The following PRKAR1A variants were observed in gnomAD, a reference collection of about 807,000 sequenced individuals.
PRKAR1A encodes cAMP-dependent protein kinase type I-alpha regulatory subunit.
A neutral mutation model predicts 52.0 loss-of-function variants in PRKAR1A; 3 were observed. That is an observed-to-expected ratio of 0.06 (90% confidence interval 0.03 to 0.15). The LOEUF (loss-of-function observed/expected upper bound fraction) is 0.15. PRKAR1A is among the 10% of genes least tolerant of loss of function. The probability of loss-of-function intolerance (pLI) is 1.00; values close to 1 mark genes in which losing one functional copy is unlikely to be tolerated. For synonymous variants in PRKAR1A, 188 were observed against 168.4 expected (o/e 1.12, Z -0.90); for missense variants, 240 against 477.4 (o/e 0.50, Z 4.63).
chr17:68,451,311 G>A, the PRKAR1A span, among the ~76,000 whole-genome samples: 2 of 152,184 alleles, frequency 1.3e-5, no homozygotes, highest in African/African-American at 4.8e-5. Context: ...GTGCACACCT[G>A]TAATCTCAGC....
At chr17:68,458,436 A>G in the PRKAR1A span, among the ~76,000 whole-genome samples, 526 of 152,354 alleles carry the variant, frequency 3.5e-3, 12 homozygotes, top group East Asian at 0.015. Flanking sequence ...TTTTCTAACC[A>G]GGACAGAAAT....
upstream of PRKAR1A, among the ~76,000 whole-genome samples, chr17:68,507,605 A>G (rs2085213984): frequency 6.6e-6 from 1 of 152,176 alleles, no homozygotes; most frequent in African/African-American, 2.4e-5. Flanking sequence ...CTATGTACAA[A>G]CCTGCACGTT....
Position 68,531,209 on chromosome 17 carries a change from G to C in PRKAR1A, c.*760G>C. On this transcript the variant is annotated 3_prime_UTR_variant, in exon 11 of 11. Transcript: ENST00000589228. ...GTTAGTATTTAACTACATCTGCCTC[G>C]GCTCACAAATTCCGATTAGACCTTT... is the stretch of plus-strand genomic sequence containing the variant. 9.4e-7 allele frequency: 1 copy of C among 1,065,980 alleles called. No homozygotes were observed. The highest frequency in any genetic ancestry group is 1.1e-6 in the Non-Finnish European group (1 of 879,416). The allele number at this position is 1,065,980 out of a possible 1,614,324, so 66.0% of individuals were successfully genotyped here.
the PRKAR1A span, among the ~76,000 whole-genome samples, chr17:68,423,858 T>C: frequency 6.6e-6 from 1 of 152,236 alleles, no homozygotes; most frequent in Non-Finnish European, 1.5e-5. The surrounding 1 kb of genome is among the most constrained non-coding windows in gnomAD (Gnocchi z 4.4). Context: ...TATAAGAGGT[T>C]GCAAGGCTTA....
the PRKAR1A span, chr17:68,428,693 A>C: frequency 1.5e-6 from 1 of 668,400 alleles, no homozygotes; most frequent in South Asian, 1.8e-5. Context: ...GCACTTGCCC[A>C]CTAGAGGTTT....
At chr17:68,439,185 T>A in the PRKAR1A span, among the ~76,000 whole-genome samples, 2 of 152,200 alleles carry the variant, frequency 1.3e-5, no homozygotes, top group Admixed American at 1.3e-4. Flanking sequence ...TGTATATGAA[T>A]GTTCATGGCA....
chr17:68,442,050 A>G, the PRKAR1A span, among the ~76,000 whole-genome samples: 2 of 152,328 alleles, frequency 1.3e-5, no homozygotes, highest in East Asian at 3.9e-4. Flanking sequence ...TGTCTCTAAC[A>G]GGGAACACAA....
the PRKAR1A span, among the ~76,000 whole-genome samples, chr17:68,445,695 T>C: frequency 3.3e-5 from 5 of 152,208 alleles, no homozygotes; most frequent in Non-Finnish European, 7.3e-5. Context: ...GGTTGATGTA[T>C]CGGGTGTTTA....
chr17:68,496,005 TCCCCTCCCCTGCGCTCCCCTCCTCTCCC>T, the PRKAR1A span, among the ~76,000 whole-genome samples: 5 of 1,264 alleles, frequency 4.0e-3, no homozygotes, highest in Middle Eastern at 0.12. Context: ...TCTCCTCCCC[TCCCCTCCCCTGCGCTCCCCTCCTCTCCC>T]CTCCTCTCCT....
rs746486900 is a variant in PRKAR1A at position 68,515,524 on chromosome 17, G to A, written c.125G>A (p.Arg42Gln). The A allele has an allele frequency of 6.2e-7, 1 of 1,613,056 alleles. No individual in the cohort carries two copies. The highest frequency in any genetic ancestry group is 1.7e-5 in the Admixed American group (1 of 60,016). ...TCTATTGTGCAGTTGTGCACTGCTC[G>A]ACCTGAGAGACCCATGGCATTCCTC... ...KDSIVQLCTA[R>Q]PERPMAFLRE... Residue 42 changes from arginine to glutamine, a missense_variant, in exon 2 of 11, where the codon CGA (arginine) becomes CAA (glutamine). Around this residue, in one of 4 missense-constraint regions of PRKAR1A, gnomAD observed 107 missense variants for 114.6 expected, o/e 0.93. Transcript: ENST00000589228.
the PRKAR1A span, among the ~76,000 whole-genome samples, chr17:68,501,753 C>G: frequency 6.6e-6 from 1 of 152,146 alleles, no homozygotes; most frequent in Non-Finnish European, 1.5e-5. Context: ...CCACCATGCC[C>G]AGAACTCAGC....
the PRKAR1A span, among the ~76,000 whole-genome samples, chr17:68,465,625 AT>A: frequency 0.16 from 11,003 of 66,832 alleles, 574 homozygotes; most frequent in South Asian, 0.24. Context: ...ACGCCCAGCA[AT>A]TTTTTTTTTT....
At chr17:68,510,887 G>C (rs2085255170), upstream of PRKAR1A, among the ~76,000 whole-genome samples, 1 of 152,146 alleles carries the variant, frequency 6.6e-6, no homozygotes. Context: ...TTAGAGCCTG[G>C]TGGATTTGGG....
the PRKAR1A span, among the ~76,000 whole-genome samples, chr17:68,425,745 G>C: frequency 2.0e-5 from 3 of 152,134 alleles, no homozygotes; most frequent in Non-Finnish European, 2.9e-5. Context: ...GACAAGTCAC[G>C]TGTTCCTACC....
rs760726941 is a variant in PRKAR1A, at chr17:68,515,484, G to T, written c.85G>T (p.Ala29Ser). The part of the protein sequence containing the change: ...ELYVQKHNIQ[A>S]LLKDSIVQLC... ...CTACGTCCAGAAGCATAACATTCAA[G>T]CGCTGCTCAAAGATTCTATTGTGCA... Residue 29 changes from alanine to serine, a missense_variant, in exon 2 of 11, where the codon GCG becomes TCG. Transcript: ENST00000589228. 4 of 1,613,606 alleles carry T rather than the reference G, an allele frequency of 2.5e-6. No individual in the cohort carries two copies. The highest frequency in any genetic ancestry group is 3.4e-6 in the Non-Finnish European group (4 of 1,180,038).
the PRKAR1A span, among the ~76,000 whole-genome samples, chr17:68,435,987 C>G: frequency 3.9e-5 from 6 of 152,374 alleles, no homozygotes; most frequent in East Asian, 1.2e-3. Flanking sequence ...CGCAGGCGCG[C>G]CCTGCACGCA....
the PRKAR1A span, chr17:68,425,930 T>C: frequency 1.5e-5 from 10 of 669,660 alleles, no homozygotes; most frequent in Non-Finnish European, 2.6e-5. Context: ...ACAACAAATA[T>C]CCTATGGCTT....
chr17:68,426,639 TCTC>T, the PRKAR1A span, among the ~76,000 whole-genome samples: 1 of 152,176 alleles, frequency 6.6e-6, no homozygotes, highest in Admixed American at 6.5e-5. Flanking sequence ...TTCAAGCAAT[TCTC>T]CTGCCTCAGC....
the PRKAR1A span, chr17:68,435,850 G>C: frequency 1.3e-6 from 1 of 744,422 alleles, no homozygotes; most frequent in Non-Finnish European, 2.3e-6. Flanking sequence ...CAGGCCATCT[G>C]CATGTAAGCT....
Sources: allele counts gnomAD v4.1 joint callset (sites outside exome capture counted in the v4.1 genomes callset), GRCh38; gene constraint gnomAD v4.1.1; regional missense constraint gnomAD v4.1.1; non-coding constraint Gnocchi (gnomAD v3.1); transcripts MANE v1.5; gene names NCBI Gene and HGNC (gene_info 2026-07-23, HGNC 2026-07-21).